Variants in AIPL1 observed in about 807,000 individuals in gnomAD.
AIPL1 encodes AIP like 1 HSP90 co-chaperone.
A neutral mutation model predicts 32.9 loss-of-function variants in AIPL1; 23 were observed. The ratio of observed to expected loss-of-function variants is 0.70; its 90% CI spans 0.50 to 0.99. The LOEUF (loss-of-function observed/expected upper bound fraction) is 0.99, where lower values mean the gene tolerates loss of function less well. Ranked by LOEUF, AIPL1 falls within the 50% of genes least tolerant of loss-of-function variation. The probability of loss-of-function intolerance (pLI) is 0.00; values close to 1 mark genes in which losing one functional copy is unlikely to be tolerated. For missense variants in AIPL1, 485 were observed against 506.0 expected (o/e 0.96, Z 0.40); for synonymous variants, 210 against 209.4 (o/e 1.00, Z -0.02).
chr17:6,428,253 C>T, intron 3 of AIPL1, 65 bp downstream of exon 3: 1 of 1,577,774 alleles, frequency 6.3e-7, no homozygotes, highest in East Asian at 2.2e-5. Flanking sequence ...TGGGGGTGCC[C>T]ATGATGCCCG....
chr17:6,430,443 C>T (rs187555949), intron 2 of AIPL1, among the ~76,000 whole-genome samples: 2 of 110,912 alleles, frequency 1.8e-5, no homozygotes, highest in Admixed American at 1.3e-4. Flanking sequence ...GCAACAAGAG[C>T]GAAAGTCCGT....
rs766588283 is a variant in AIPL1 at position 6,428,277 on chromosome 17, G to A, written c.465+41C>T. 18 of 1,600,790 alleles carry A rather than the reference G, an allele frequency of 1.1e-5. No individual in the cohort carries two copies. The East Asian group carries it at 3.8e-4, about 34-fold the overall frequency. On this transcript the variant is annotated intron_variant, in intron 3 of 5. Transcript: ENST00000381129. ...CCATGATGCCCGCTGTCCCTCTCCA[G>A]TGCTGGCACAGCCCTCCAGCCCTGC... is the stretch of plus-strand genomic sequence containing the variant.
Position 6,426,873 on chromosome 17 carries a change from C to A in AIPL1, c.642+8G>T, listed in dbSNP as rs781135512. ...GCCACTTCCCACCCCTGGCCAGCGG[C>A]CTCTGACCTTGGTCTGCAGGTTCCT... On this transcript the variant is annotated splice_region_variant and intron_variant, in intron 4 of 5. Transcript: ENST00000381129. 2 of 1,614,104 alleles carry A rather than the reference C, an allele frequency of 1.2e-6. No homozygotes were observed. The highest frequency in any genetic ancestry group is 1.7e-6 in the Non-Finnish European group (2 of 1,180,046).
Position 6,424,628 on chromosome 17 carries a change from T to G in AIPL1, c.*832A>C, listed in dbSNP as rs912956850. 1 of 152,274 alleles carries G rather than the reference T, an allele frequency of 6.6e-6. No homozygotes were observed. Among genetic ancestry groups the G allele is most frequent in the African/African-American group, 2.4e-5 (1 of 41,466 alleles). The allele number at this position is 152,274 out of a possible 1,614,324, so 9.4% of individuals were successfully genotyped here. On this transcript the variant is annotated 3_prime_UTR_variant, in exon 6 of 6. Transcript: ENST00000381129. The stretch of plus-strand genomic sequence containing the variant: ...ACCAGGCTGGAGTGCAATGACGTGA[T>G]CTTGGCTCACTGCAACCTCCGCCTC...
At position 6,425,308 on chromosome 17, in the gene AIPL1, T is replaced by TTG. The variant is rs1491562937; in HGVS notation, c.*151_*152insCA. On this transcript the variant is annotated 3_prime_UTR_variant, in exon 6 of 6. Coordinates refer to ENST00000381129, the MANE Select transcript of AIPL1 (RefSeq NM_014336.5). ...AAGCTCTTCTGTACCCTTGGGATTG[T>TTG]TTTTTTTTTTTTTTTTACCATGGGT... The TTG allele has an allele frequency of 3.8e-5, 2 of 52,304 alleles. No individual in the cohort carries two copies. Among genetic ancestry groups the TTG allele is most frequent in the African/African-American group, 1.5e-4 (2 of 13,132 alleles). The allele number at this position is 52,304 out of a possible 1,614,324, so 3.2% of individuals were successfully genotyped here. A position where few individuals can be genotyped will look rare whatever the true frequency, so the allele number is the denominator to read the frequency against.
intron 1 of AIPL1, 130 bp downstream of exon 1, chr17:6,434,879 G>A: frequency 1.1e-5 from 16 of 1,494,022 alleles, no homozygotes; most frequent in Non-Finnish European, 1.4e-5. Flanking sequence ...GCTCCCCGGA[G>A]GCCCAGCGCT....
At chr17:6,431,977 A>G (rs146799251) in intron 2 of AIPL1, among the ~76,000 whole-genome samples, 6 of 152,360 alleles carry the variant, frequency 3.9e-5, no homozygotes, top group African/African-American at 7.2e-5. Context: ...TGTGGGGAAT[A>G]GAGGAGCATG....
rs768380452 is a variant in AIPL1 at position 6,434,001 on chromosome 17, T to C, written c.194A>G (p.Asn65Ser). Residue 65 changes from asparagine to serine, a missense_variant, in exon 2 of 6, where the codon AAC (asparagine) becomes AGC (serine). Transcript: ENST00000381129. ...VGQPMHIIIG[N>S]MFKLEVWEIL... is the part of the protein sequence containing the mutation. ...CTCCCAGACCTCGAGCTTGAACATG[T>C]TTCCGATGATGATGTGCATGGGCTG... The C allele has an allele frequency of 2.5e-6, 4 of 1,613,432 alleles. No individual in the cohort carries two copies. The highest frequency in any genetic ancestry group is 3.4e-6 in the Non-Finnish European group (4 of 1,179,940).
In AIPL1 at chr17:6,426,155, G is replaced by T. The variant is rs1022964348; in HGVS notation, c.785-325C>A. ...CATATGGTGATTATGAGGATTATGA[G>T]GATTAAATGAGATAATAAACGCAGA... On this transcript the variant is annotated intron_variant, in intron 5 of 5. Transcript: ENST00000381129. 28 of 1,309,796 alleles carry T rather than the reference G, an allele frequency of 2.1e-5. No homozygotes were observed. In the African/African-American group the frequency reaches 4.0e-4, roughly 19 times the overall value. The allele number at this position is 1,309,796 out of a possible 1,614,324, so 81.1% of individuals were successfully genotyped here. A position where few individuals can be genotyped will look rare whatever the true frequency, so the allele number is the denominator to read the frequency against.
intron 2 of AIPL1, among the ~76,000 whole-genome samples, chr17:6,430,433 G>A (rs1362190406): frequency 8.4e-6 from 1 of 118,472 alleles, no homozygotes; most frequent in Non-Finnish European, 1.6e-5. Context: ...TCCAGCCTGG[G>A]CAACAAGAGC....
Position 6,425,715 on chromosome 17 carries a change from C to G in AIPL1, c.900G>C (p.Ala300=), listed in dbSNP as rs373590751. 30 of 1,607,852 alleles carry G rather than the reference C, an allele frequency of 1.9e-5. No homozygotes were observed. The East Asian group carries it at 6.7e-4, about 36-fold the overall frequency. The part of the protein sequence containing the change: ...VLELEPSMQK[A]VRRELRLLEN... ...CCAGCAGCCTCAGCTCCCTGCGCAC[C>G]GCCTTCTGCATGGACGGCTCCAGCT... Residue 300 remains alanine, a synonymous_variant, in exon 6 of 6, where the codon GCG becomes GCC. Coordinates refer to ENST00000381129, the MANE Select transcript of AIPL1 (RefSeq NM_014336.5).
At position 6,427,042 on chromosome 17, in the gene AIPL1, C is replaced by T; in HGVS notation, c.481G>A (p.Asp161Asn). 1.2e-6 allele frequency: 2 copies of T among 1,614,160 alleles called. No homozygotes were observed. The highest frequency in any genetic ancestry group is 4.5e-5 in the East Asian group (2 of 44,870). ...IELLQVDAPSDYQRETWNLSN... is the reference protein window; with the variant it reads ...IELLQVDAPSNYQRETWNLSN... ...AGGTTCCAGGTCTCCCTCTGGTAAT[C>T]ACTCGGGGCATCAACCTGGCCCCAG... Residue 161 changes from aspartate (D) to asparagine (N), a missense_variant, in exon 4 of 6, where the codon GAT (aspartate) becomes AAT (asparagine). Asp to Asn is a conservative substitution (Grantham distance 23). Transcript: ENST00000381129.
chr17:6,427,172 A>G, intron 3 of AIPL1, 115 bp from the exon 4 acceptor site: 1 of 1,160,020 alleles, frequency 8.6e-7, no homozygotes, highest in South Asian at 1.3e-5. Flanking sequence ...TTGCTGGTCA[A>G]GTGCATACAG....
Position 6,428,732 on chromosome 17 carries a change from A to G in AIPL1, c.277-226T>C, listed in dbSNP as rs1912264099. 2.6e-5 allele frequency among the ~76,000 whole-genome samples: 4 copies of G among 152,188 alleles called. No homozygotes were observed. In the South Asian group the frequency reaches 8.3e-4, roughly 32 times the overall value. On this transcript the variant is annotated intron_variant, in intron 2 of 5. Transcript: ENST00000381129. ...AGGCACTATTATCCCCATTTTACGG[A>G]TGGGGAAACTACAGCCCAGAGACGC...
intron 2 of AIPL1, among the ~76,000 whole-genome samples, chr17:6,431,929 A>C (rs1912640980): frequency 6.6e-6 from 1 of 152,250 alleles, no homozygotes; most frequent in East Asian, 1.9e-4. Flanking sequence ...TCTGAATCTT[A>C]TCAGGCCCTC....
intron 5 of AIPL1, 89 bp from the exon 6 acceptor site, chr17:6,425,919 C>A: frequency 2.0e-6 from 3 of 1,500,934 alleles, no homozygotes; most frequent in South Asian, 2.4e-5. Flanking sequence ...GCCTCCAAGA[C>A]CCTCAGCCCC....
rs776046035 is a variant in AIPL1, at chr17:6,426,980, G to T, written c.543C>A (p.Leu181=). The T allele has an allele frequency of 9.9e-6, 16 of 1,614,104 alleles. No individual in the cohort carries two copies. Among genetic ancestry groups the T allele is most frequent in the Admixed American group, 8.3e-5 (5 of 60,010 alleles). Residue 181 remains leucine, a synonymous_variant, in exon 4 of 6, where the codon CTC becomes CTA. Transcript: ENST00000381129. Reference sequence around the variant, plus strand: ...TGAAGAGCCGATTTCCCTCTCCGTGGAGGACGGGCACCGCCTTCATCTTCT... The same window carrying T: ...TGAAGAGCCGATTTCCCTCTCCGTGTAGGACGGGCACCGCCTTCATCTTCT... ...NHEKMKAVPV[L]HGEGNRLFKL...
At chr17:6,426,832 G>GC in intron 4 of AIPL1, 49 bp downstream of exon 4, 1 of 1,612,734 alleles carries the variant, frequency 6.2e-7, no homozygotes, top group Non-Finnish European at 8.5e-7. Context: ...CACTGGGCAG[G>GC]CCCCCCAGAG....
At position 6,425,409 on chromosome 17, in the gene AIPL1, A is replaced by T. The variant is rs376687958; in HGVS notation, c.*51T>A. 90 of 1,539,778 alleles carry T rather than the reference A, an allele frequency of 5.8e-5. No individual in the cohort carries two copies. In the East Asian group the frequency reaches 1.6e-3, roughly 27 times the overall value. ...CACGATCCTGGTCAATCGAACCAGA[A>T]GTGACCAGGCCACTTGCTCCCTGCC... On this transcript the variant is annotated 3_prime_UTR_variant, in exon 6 of 6. Coordinates refer to ENST00000381129, the MANE Select transcript of AIPL1 (RefSeq NM_014336.5).
Sources: gnomAD v4.1 joint callset for allele counts (sites outside exome capture counted in the v4.1 genomes callset) on GRCh38, gnomAD v4.1.1 for gene constraint, MANE v1.5 for transcripts, NCBI Gene and HGNC (gene_info 2026-07-23, HGNC 2026-07-21) for gene names.